The following HAL variants were observed in gnomAD, a reference collection of about 807,000 sequenced individuals.
HAL encodes the protein histidine ammonia-lyase, also known as histidase.
In HAL, 85 loss-of-function variants were observed where a neutral mutation model predicts 81.1. The ratio of observed to expected loss-of-function variants is 1.05; its 90% CI spans 0.88 to 1.25. The LOEUF (loss-of-function observed/expected upper bound fraction) is 1.25. HAL is among the 50% of genes most tolerant of loss of function. HAL has a pLI of 0.00. For synonymous variants in HAL, 301 were observed against 309.2 expected (o/e 0.97, Z 0.28); for missense variants, 798 against 836.6 (o/e 0.95, Z 0.57).
In HAL at chr12:95,987,099, A is replaced by T; in HGVS notation, c.1019T>A (p.Val340Glu). ...AAAGGCTTTGGTGGTGCCCTTCAGC[A>T]CCTCAAGGGTCAGGGCTGCCACAAT... ...ADIVAALTLE[V>E]LKGTTKAFDT... Residue 340 changes from valine (V) to glutamate (E), a missense_variant, in exon 12 of 21, where the codon GTG (valine) becomes GAG (glutamate). Val to Glu is a moderately radical substitution (Grantham distance 121). Coordinates refer to ENST00000261208, the MANE Select transcript of HAL (RefSeq NM_002108.4). 1 of 1,613,328 alleles carries T rather than the reference A, an allele frequency of 6.2e-7. No homozygotes were observed.
chr12:95,974,268 C>G lies in HAL; in HGVS notation c.1938G>C (p.Lys646Asn), dbSNP rs574414004. ...CAGACTCCGGGATTTTGGTGGATTT[C>G]TTGTGCAGAAATTGCAGTGAAAAGG... is the stretch of plus-strand genomic sequence containing the variant. ...PTAFSLQFLH[K>N]KSTKIPESED... The change falls in exon 21 of 21, where the codon AAG becomes AAC. Residue 646 changes from lysine to asparagine, a missense_variant. Lys to Asn is a moderately conservative substitution (Grantham distance 94). Coordinates refer to ENST00000261208, the MANE Select transcript of HAL (RefSeq NM_002108.4). 7.0e-5 allele frequency: 113 copies of G among 1,614,008 alleles called. 1 individual carries two copies. The South Asian group carries it at 1.2e-3, about 17-fold the overall frequency.
intron 6 of HAL, 41 bp from the exon 7 acceptor site, chr12:95,993,879 T>C: frequency 6.8e-7 from 1 of 1,471,404 alleles, no homozygotes; most frequent in Non-Finnish European, 9.5e-7. Context: ...ATGCAGGGAT[T>C]TTTGTTTGTT....
intron 11 of HAL, 32 bp from the exon 12 acceptor site, chr12:95,987,246 T>C (rs775314355): frequency 6.2e-7 from 1 of 1,600,336 alleles, no homozygotes; most frequent in Admixed American, 1.7e-5. Flanking sequence ...TTTCCTACTG[T>C]GATTATTGTA....
chr12:95,985,695 G>A (rs960538395), intron 14 of HAL, among the ~76,000 whole-genome samples: 1 of 146,428 alleles, frequency 6.8e-6, no homozygotes, highest in Non-Finnish European at 1.5e-5. Context: ...AAAACAAATA[G>A]TTCACCATAT....
Position 95,993,824 on chromosome 12 carries a change from TA to T in HAL, c.498del (p.Thr167LeufsTer11). ...CTGGCAAATTTCCCAAAACCTGTAG[TA>T]ATACCGTAAACAACTAGAATAAAAA... Reference protein sequence around the residue: ...IIKEKTVVYGITTGFGKFART... With the variant: ...IIKEKTVVYGXTTGFGKFART... On this transcript the variant is annotated frameshift_variant, in exon 7 of 21. Coordinates refer to ENST00000261208, the MANE Select transcript of HAL (RefSeq NM_002108.4). LOFTEE classifies it high-confidence loss of function. 1 of 1,572,104 alleles carries T rather than the reference TA, an allele frequency of 6.4e-7. No individual in the cohort carries two copies. Among genetic ancestry groups the T allele is most frequent in the Non-Finnish European group, 8.8e-7 (1 of 1,141,862 alleles).
intron 14 of HAL, among the ~76,000 whole-genome samples, chr12:95,985,183 A>T (rs1410603335): frequency 6.6e-6 from 1 of 152,208 alleles, no homozygotes; most frequent in East Asian, 1.9e-4. Flanking sequence ...TTTCCTGTAA[A>T]CACCTCTGAC....
intron 15 of HAL, among the ~76,000 whole-genome samples, chr12:95,982,419 T>C (rs1041576918): frequency 6.6e-6 from 1 of 152,260 alleles, no homozygotes; most frequent in African/African-American, 2.4e-5. Flanking sequence ...AGTAATTGAA[T>C]GGTAATTTCT....
intron 20 of HAL, chr12:95,976,111 GA>G: frequency 2.6e-6 from 1 of 390,430 alleles, no homozygotes; most frequent in Non-Finnish European, 4.9e-6. Flanking sequence ...TTGAATCAAA[GA>G]GGACATCTTG....
chr12:95,980,661 C>G lies in HAL; in HGVS notation c.1414G>C (p.Glu472Gln), dbSNP rs147706824. 1.2e-6 allele frequency: 2 copies of G among 1,613,848 alleles called. No homozygotes were observed. Among genetic ancestry groups the G allele is most frequent in the African/African-American group, 1.3e-5 (1 of 74,918 alleles). Residue 472 changes from glutamate (E) to glutamine (Q), a missense_variant, in exon 17 of 21, where the codon GAG (glutamate) becomes CAG (glutamine). Coordinates refer to ENST00000261208, the MANE Select transcript of HAL (RefSeq NM_002108.4). ...CTGAGGGAGGGATTGCAGAGCCGCT[C>G]GATTCTTCTCTCACTGATTGCAGCA... ...ELAAISERRI[E>Q]RLCNPSLSEL...
In HAL at chr12:95,993,431, C is replaced by T. The variant is rs1949995779; in HGVS notation, c.589+20G>A. ...ATCTAATCACACAAGATCCAGGAGG[C>T]ACCCAACGTTTTGACTTACCTGAAG... is the stretch of plus-strand genomic sequence containing the variant. On this transcript the variant is annotated intron_variant, in intron 8 of 20. Transcript: ENST00000261208. 3 of 1,517,116 alleles carry T rather than the reference C, an allele frequency of 2.0e-6. No individual in the cohort carries two copies. The highest frequency in any genetic ancestry group is 1.4e-5 in the African/African-American group (1 of 73,048). The allele number at this position is 1,517,116 out of a possible 1,614,324, so 94.0% of individuals were successfully genotyped here. A position where few individuals can be genotyped will look rare whatever the true frequency, so the allele number is the denominator to read the frequency against.
chr12:95,988,342 C>A, intron 10 of HAL, 102 bp from the exon 11 acceptor site: 1 of 748,548 alleles, frequency 1.3e-6, no homozygotes, highest in South Asian at 1.5e-5. Flanking sequence ...CCCAAAAGTC[C>A]ATCTTATAAG....
chr12:95,992,832 C>T, intron 8 of HAL, 27 bp from the exon 9 acceptor site: 1 of 1,608,376 alleles, frequency 6.2e-7, no homozygotes, highest in Non-Finnish European at 8.5e-7. Flanking sequence ...ATGTTTTCTC[C>T]AAGAAAAGCA....
Position 95,987,892 on chromosome 12 carries a change from CG to C in HAL, c.903+300del. On this transcript the variant is annotated intron_variant, in intron 11 of 20. Transcript: ENST00000261208. The stretch of plus-strand genomic sequence containing the variant: ...CCTGGCTAATTTTTGTCTTTTTTGG[CG>C]GGGCGGGGGGGGCGGGTAGAGATGG... 1.0e-4 allele frequency among the ~76,000 whole-genome samples: 3 copies of C among 29,924 alleles called. 1 individual carries two copies. Among genetic ancestry groups the C allele is most frequent in the African/African-American group, 3.6e-4 (3 of 8,312 alleles). 19.6% of individuals were successfully genotyped at this position (29,924 alleles called of 152,430 possible). A position where few individuals can be genotyped will look rare whatever the true frequency, so the allele number is the denominator to read the frequency against.
At chr12:95,983,743 T>C (rs1949840873) in intron 15 of HAL, 168 bp downstream of exon 15, 2 of 652,176 alleles carry the variant, frequency 3.1e-6, no homozygotes, top group African/African-American at 3.6e-5. Context: ...ACTTACCAGC[T>C]CTGACCTGGA....
intron 2 of HAL, chr12:95,995,221 CAG>C (rs1368092545): frequency 8.3e-6 from 5 of 605,602 alleles, no homozygotes; most frequent in Middle Eastern, 8.7e-4. Flanking sequence ...AAGTTCAAGA[CAG>C]AATTCCACTT....
In HAL at chr12:95,983,938, T is replaced by C; in HGVS notation, c.1260A>G (p.Thr420=). 6.3e-7 allele frequency: 1 copy of C among 1,577,968 alleles called. No homozygotes were observed. The highest frequency in any genetic ancestry group is 8.7e-7 in the Non-Finnish European group (1 of 1,147,884). ...TIAFVKNIIT[T]ELNSATDNPM... ...GATTATCTGTTGCGCTGTTCAGTTC[T>C]GTGGTAATGATGTTCTTCACAAATG... is the stretch of plus-strand genomic sequence containing the variant. The change falls in exon 15 of 21, where the codon ACA becomes ACG. Residue 420 remains threonine, a synonymous_variant. Transcript: ENST00000261208.
In HAL at chr12:95,976,509, A is replaced by G; in HGVS notation, c.1764-11T>C. ...TCTTTTATCCAGGGCCTACAGGGAG[A>G]GCACATCCGCCCATCAGCCAAACAT... On this transcript the variant is annotated splice_polypyrimidine_tract_variant and intron_variant, in intron 19 of 20. Coordinates refer to ENST00000261208, the MANE Select transcript of HAL (RefSeq NM_002108.4). The G allele has an allele frequency of 1.2e-6, 2 of 1,613,728 alleles. No individual in the cohort carries two copies. The highest frequency in any genetic ancestry group is 8.5e-7 in the Non-Finnish European group (1 of 1,179,612).
At chr12:95,977,426 T>A (rs1332494666) in intron 18 of HAL, among the ~76,000 whole-genome samples, 3 of 151,690 alleles carry the variant, frequency 2.0e-5, no homozygotes, top group African/African-American at 7.3e-5. Flanking sequence ...GAGGATCGCT[T>A]GAGGCCAAGA....
chr12:95,985,681 A>C (rs1333824227), intron 14 of HAL, among the ~76,000 whole-genome samples: 2 of 152,016 alleles, frequency 1.3e-5, no homozygotes, highest in Non-Finnish European at 2.9e-5. Context: ...TGAACAATCA[A>C]AAGAAAACAA....
Sources: gnomAD v4.1 joint callset for allele counts (sites outside exome capture counted in the v4.1 genomes callset) on GRCh38, gnomAD v4.1.1 for gene constraint, MANE v1.5 for transcripts, NCBI Gene and HGNC (gene_info 2026-07-23, HGNC 2026-07-21) for gene names.